Variants in KCNQ5 observed in about 807,000 individuals in gnomAD.
The protein encoded by KCNQ5 is potassium voltage-gated channel subfamily KQT member 5.
A neutral mutation model predicts 98.2 loss-of-function variants in KCNQ5; 30 were observed. The observed-to-expected ratio is 0.31, with a 90% confidence interval of 0.23 to 0.41. KCNQ5 has a LOEUF of 0.41. KCNQ5 is among the 10% of genes least tolerant of loss of function. The probability of loss-of-function intolerance (pLI) is 1.00; values close to 1 mark genes in which losing one functional copy is unlikely to be tolerated. For missense variants in KCNQ5, 835 were observed against 1,182.5 expected, an observed-to-expected ratio of 0.71 and a Z score of 4.31; for synonymous variants, 458 against 449.4, an observed-to-expected ratio of 1.02 and a Z score of -0.24.
At chr6:72,625,122 ACCAGTGTTTTCACTG>A (rs777362305) in intron 1 of KCNQ5, among the ~76,000 whole-genome samples, 1 of 152,224 alleles carries the variant, frequency 6.6e-6, no homozygotes, top group Non-Finnish European at 1.5e-5. Flanking sequence ...TACTTGGTCA[ACCAGTGTTTTCACTG>A]CCAAGAAACA....
At chr6:73,023,842 A>C (rs905715508) in intron 2 of KCNQ5, among the ~76,000 whole-genome samples, 2 of 152,214 alleles carry the variant, frequency 1.3e-5, no homozygotes, top group African/African-American at 2.4e-5. Context: ...ATTATTTTAA[A>C]GAGCTCACTG....
At chr6:72,830,941 A>C (rs987142565) in intron 1 of KCNQ5, among the ~76,000 whole-genome samples, 1 of 152,242 alleles carries the variant, frequency 6.6e-6, no homozygotes, top group Non-Finnish European at 1.5e-5. Context: ...GACATTTCTC[A>C]AAAGAAGACA....
intron 1 of KCNQ5, among the ~76,000 whole-genome samples, chr6:72,780,729 T>A (rs1773422155): frequency 2.0e-5 from 3 of 152,176 alleles, no homozygotes; most frequent in South Asian, 2.1e-4. Flanking sequence ...CATGTAAGGT[T>A]TTAAATAATG....
intron 1 of KCNQ5, among the ~76,000 whole-genome samples, chr6:72,889,064 G>A (rs1338632808): frequency 1.3e-5 from 2 of 152,174 alleles, no homozygotes; most frequent in Non-Finnish European, 2.9e-5. Flanking sequence ...ATAAAAGAGA[G>A]TAAGGGAGAT....
intron 11 of KCNQ5, among the ~76,000 whole-genome samples, chr6:73,185,283 G>A (rs556017366): frequency 6.6e-6 from 1 of 152,270 alleles, no homozygotes; most frequent in Admixed American, 6.5e-5. Flanking sequence ...CTGGGCTTAA[G>A]TGATCCTCCC....
intron 1 of KCNQ5, among the ~76,000 whole-genome samples, chr6:72,710,566 T>G (rs867109265): frequency 1.2e-4 from 19 of 152,256 alleles, no homozygotes; most frequent in African/African-American, 3.9e-4. Flanking sequence ...AAATAGACTT[T>G]GGGTCAAAAA....
intron 1 of KCNQ5, among the ~76,000 whole-genome samples, chr6:72,976,298 GC>G (rs1768158682): frequency 6.6e-6 from 1 of 152,030 alleles, no homozygotes; most frequent in South Asian, 2.1e-4. Flanking sequence ...AATGATTCCG[GC>G]CAGACAAATG....
At chr6:72,816,283 G>T (rs1422357854) in intron 1 of KCNQ5, among the ~76,000 whole-genome samples, 1 of 152,206 alleles carries the variant, frequency 6.6e-6, no homozygotes, top group Non-Finnish European at 1.5e-5. Flanking sequence ...TGCTGTGAAA[G>T]ATTAAGGCAT....
At chr6:73,010,830 C>T (rs914951909) in intron 2 of KCNQ5, among the ~76,000 whole-genome samples, 2 of 151,894 alleles carry the variant, frequency 1.3e-5, no homozygotes, top group Non-Finnish European at 2.9e-5. Context: ...AGATGAAGAA[C>T]TTGTACAATG....
Position 73,163,012 on chromosome 6 carries a change from G to T in KCNQ5, c.1469-6734G>T, listed in dbSNP as rs545351266. 3.3e-5 allele frequency among the ~76,000 whole-genome samples: 5 copies of T among 152,192 alleles called. No individual in the cohort carries two copies. In the South Asian group the frequency reaches 1.0e-3, roughly 31 times the overall value. ...CTTGTGCCCTCTGCTGCCAGGATGG[G>T]CTCCAGCCACCCTCAACCCTGGACT... On this transcript the variant is annotated intron_variant, in intron 10 of 13. Coordinates refer to ENST00000370398, the MANE Select transcript of KCNQ5 (RefSeq NM_019842.4).
intron 7 of KCNQ5, among the ~76,000 whole-genome samples, chr6:73,116,110 A>C (rs1775478359): frequency 6.6e-6 from 1 of 152,178 alleles, no homozygotes; most frequent in South Asian, 2.1e-4. Flanking sequence ...TTATAACTCC[A>C]AAAAAACCAA....
chr6:72,813,161 T>C (rs1775325589), intron 1 of KCNQ5, among the ~76,000 whole-genome samples: 1 of 152,180 alleles, frequency 6.6e-6, no homozygotes. Context: ...TGTATCTGTT[T>C]TTATCATTTA....
intron 1 of KCNQ5, among the ~76,000 whole-genome samples, chr6:72,906,560 C>T (rs1779707737): frequency 6.6e-6 from 1 of 152,212 alleles, no homozygotes; most frequent in East Asian, 1.9e-4. Context: ...CCAGCAAGCT[C>T]CCAGGGCCTT....
intron 1 of KCNQ5, among the ~76,000 whole-genome samples, chr6:72,867,782 A>G (rs1464954830): frequency 2.6e-5 from 4 of 151,938 alleles, no homozygotes; most frequent in Admixed American, 2.6e-4. Context: ...TTAAAAAAAA[A>G]AAATTAACCA....
intron 1 of KCNQ5, among the ~76,000 whole-genome samples, chr6:72,760,657 T>C (rs910408945): frequency 2.6e-5 from 4 of 152,144 alleles, no homozygotes; most frequent in Non-Finnish European, 5.9e-5. Flanking sequence ...GGAAACCCTC[T>C]GGGCTAGAAG....
At chr6:72,916,265 A>G (rs1453830011) in intron 1 of KCNQ5, among the ~76,000 whole-genome samples, 1 of 152,210 alleles carries the variant, frequency 6.6e-6, no homozygotes, top group Non-Finnish European at 1.5e-5. Flanking sequence ...CCTAATACAA[A>G]GTAAAAACAA....
chr6:72,824,899 C>T (rs1298736588), intron 1 of KCNQ5, among the ~76,000 whole-genome samples: 2 of 151,920 alleles, frequency 1.3e-5, no homozygotes, highest in Non-Finnish European at 2.9e-5. Flanking sequence ...GATAATAATG[C>T]CTTTTCAGTG....
chr6:73,089,180 A>T (rs1774124591), intron 5 of KCNQ5, among the ~76,000 whole-genome samples: 1 of 152,228 alleles, frequency 6.6e-6, no homozygotes, highest in Admixed American at 6.5e-5. Context: ...AGTAAGATAA[A>T]GTCCCAACCC....
At chr6:73,012,110 A>G (rs1770089256) in intron 2 of KCNQ5, among the ~76,000 whole-genome samples, 1 of 152,128 alleles carries the variant, frequency 6.6e-6, no homozygotes, top group Non-Finnish European at 1.5e-5. Flanking sequence ...CAGCAATTCC[A>G]CTTCTGGATG....
Sources: gnomAD v4.1 joint callset for allele counts (sites outside exome capture counted in the v4.1 genomes callset) on GRCh38, gnomAD v4.1.1 for gene constraint, MANE v1.5 for transcripts, NCBI Gene and HGNC (gene_info 2026-07-23, HGNC 2026-07-21) for gene names.